The following KLHL29 variants were observed in gnomAD, a reference collection of about 807,000 sequenced individuals.
KLHL29 encodes the protein kelch-like protein 29.
In KLHL29, 21 loss-of-function variants were observed where a neutral mutation model predicts 80.4. That is an observed-to-expected ratio of 0.26 (90% CI 0.19 to 0.38). The LOEUF is 0.38. KLHL29 is among the 10% of genes least tolerant of loss of function. KLHL29 has a pLI of 1.00. For synonymous variants in KLHL29, 511 were observed against 526.8 expected (o/e 0.97, Z 0.41); for missense variants, 867 against 1,223.9 (o/e 0.71, Z 4.35).
rs996979176 is a variant in KLHL29 at position 23,457,236 on chromosome 2, A to G, written c.-153-18324A>G. ...CATGCACAGTGACTGGTGTAGGATG[A>G]TGTTTGACCAATGCTGAACTCATAT... On this transcript the variant is annotated intron_variant, in intron 1 of 13. Transcript: ENST00000486442. This position sits in a 1 kb window ranked among gnomAD's most constrained non-coding sequence, Gnocchi z 4.3. 6.6e-6 allele frequency among the ~76,000 whole-genome samples: 1 copy of G among 152,196 alleles called. No individual in the cohort carries two copies. Among genetic ancestry groups the G allele is most frequent in the African/African-American group, 2.4e-5 (1 of 41,456 alleles).
In KLHL29 at chr2:23,541,765, C is replaced by CAAAAAAAA. The variant is rs149080311; in HGVS notation, c.-45-20381_-45-20380insAAAAAAAA. 1.5e-3 allele frequency among the ~76,000 whole-genome samples: 209 copies of CAAAAAAAA among 139,822 alleles called. 4 individuals carry two copies. Among genetic ancestry groups the CAAAAAAAA allele is most frequent in the African/African-American group, 5.6e-3 (193 of 34,170 alleles). The allele number at this position is 139,822 out of a possible 152,430, so 91.7% of individuals were successfully genotyped here. On this transcript the variant is annotated intron_variant, in intron 2 of 13. Transcript: ENST00000486442. ...AAAGAGCTTTTAAAAAAGCCCAACC[C>CAAAAAAAA]AAAAAACAAAAAAAAAAAAACCATA...
chr2:23,666,481 C>T (rs903599617), intron 5 of KLHL29, among the ~76,000 whole-genome samples: 1 of 152,102 alleles, frequency 6.6e-6, no homozygotes, highest in Admixed American at 6.5e-5. Context: ...TTCTCGGGGA[C>T]CAAGGCCAAA....
At chr2:23,466,492 AAAG>A (rs1301492388) in intron 1 of KLHL29, among the ~76,000 whole-genome samples, 2 of 152,240 alleles carry the variant, frequency 1.3e-5, no homozygotes, top group African/African-American at 4.8e-5. Context: ...CCCACATATA[AAAG>A]AAGAAGCAGA....
At position 23,669,074 on chromosome 2, in the gene KLHL29, T is replaced by G. The variant is rs1670636148; in HGVS notation, c.941-15325T>G. 6.6e-6 allele frequency: 1 copy of G among 151,948 alleles called. No homozygotes were observed. The highest frequency in any genetic ancestry group is 6.6e-5 in the Admixed American group (1 of 15,260). The allele number at this position is 151,948 out of a possible 1,614,324, so 9.4% of individuals were successfully genotyped here. Reference sequence around the variant, plus strand: ...TGGAGTCTAGGAGGACCTGGTCCTGTGTGACCACAGGGGACCGCAGACTCA... The same window carrying G: ...TGGAGTCTAGGAGGACCTGGTCCTGGGTGACCACAGGGGACCGCAGACTCA... On this transcript the variant is annotated intron_variant, in intron 5 of 13. Coordinates refer to ENST00000486442, the MANE Select transcript of KLHL29 (RefSeq NM_052920.2). The surrounding 1 kb of genome is among the most constrained non-coding windows in gnomAD (Gnocchi z 4.3).
intron 1 of KLHL29, among the ~76,000 whole-genome samples, chr2:23,451,216 A>G (rs1363652487): frequency 6.6e-6 from 1 of 152,128 alleles, no homozygotes; most frequent in Non-Finnish European, 1.5e-5. Flanking sequence ...CTGTCTCCTC[A>G]TCTTAATACA....
intron 1 of KLHL29, among the ~76,000 whole-genome samples, chr2:23,415,253 G>A (rs978275522): frequency 1.3e-5 from 2 of 152,160 alleles, no homozygotes; most frequent in African/African-American, 4.8e-5. Flanking sequence ...AATGCAAGAC[G>A]GGCTTAGCTT....
intron 2 of KLHL29, among the ~76,000 whole-genome samples, chr2:23,555,815 C>G (rs1667273881): frequency 6.6e-6 from 1 of 152,212 alleles, no homozygotes; most frequent in South Asian, 2.1e-4. Flanking sequence ...TGGCCTCTGC[C>G]CCACCTCCTC....
chr2:23,604,953 A>G (rs1668667325), intron 3 of KLHL29, among the ~76,000 whole-genome samples: 1 of 152,108 alleles, frequency 6.6e-6, no homozygotes, highest in Non-Finnish European at 1.5e-5. Context: ...CTGATGGGGA[A>G]ATAGGAAGGG....
At chr2:23,651,620 T>C (rs917112630) in intron 5 of KLHL29, among the ~76,000 whole-genome samples, 9 of 152,186 alleles carry the variant, frequency 5.9e-5, no homozygotes, top group African/African-American at 2.2e-4. Flanking sequence ...GTCACCTCCT[T>C]GGTCTTGAGC....
chr2:23,520,309 C>T (rs1486365159), intron 2 of KLHL29, among the ~76,000 whole-genome samples: 1 of 152,154 alleles, frequency 6.6e-6, no homozygotes, highest in East Asian at 1.9e-4. Flanking sequence ...GGCTCAGATA[C>T]CTAAGCCTTC....
intron 3 of KLHL29, among the ~76,000 whole-genome samples, chr2:23,638,489 G>C (rs1669678415): frequency 6.6e-6 from 1 of 152,130 alleles, no homozygotes; most frequent in African/African-American, 2.4e-5. Context: ...CCTGCACAGA[G>C]GAGCTGAGGG....
At chr2:23,477,854 G>C (rs913050618) in intron 2 of KLHL29, among the ~76,000 whole-genome samples, 5 of 152,200 alleles carry the variant, frequency 3.3e-5, no homozygotes, top group Admixed American at 6.5e-5. Context: ...CAAGAGTGAA[G>C]GGAACAGAGA....
chr2:23,690,813 G>T (rs865963671), intron 6 of KLHL29: 3 of 152,402 alleles, frequency 2.0e-5, no homozygotes, highest in African/African-American at 7.2e-5. Context: ...AGGAGCCTTT[G>T]CAATGGTTTT....
rs1328272779 is a variant in KLHL29 at position 23,529,519 on chromosome 2, A to C, written c.-45-32633A>C. Among the ~76,000 whole-genome samples the C allele has an allele frequency of 2.0e-5, 3 of 152,190 alleles. No individual in the cohort carries two copies. The East Asian group carries it at 5.8e-4, about 29-fold the overall frequency. ...TGTGTTCAGTCTCATGAGAGAGAGCAGGGGTCATGGTTTTTCTTATTTTGC... is the reference window on the plus strand; with the variant it reads ...TGTGTTCAGTCTCATGAGAGAGAGCCGGGGTCATGGTTTTTCTTATTTTGC... On this transcript the variant is annotated intron_variant, in intron 2 of 13. Transcript: ENST00000486442.
chr2:23,460,718 G>T (rs1004743573), intron 1 of KLHL29, among the ~76,000 whole-genome samples: 1 of 151,862 alleles, frequency 6.6e-6, no homozygotes, highest in Non-Finnish European at 1.5e-5. Flanking sequence ...GGAGCTTCCC[G>T]TGAAGGGAGC....
intron 3 of KLHL29, among the ~76,000 whole-genome samples, chr2:23,606,375 C>T (rs577997042): frequency 3.9e-5 from 6 of 152,216 alleles, no homozygotes; most frequent in African/African-American, 9.6e-5. Flanking sequence ...CTTTGTTTCA[C>T]GTCCCTTGTG....
At chr2:23,401,417 G>A (rs554725767) in intron 1 of KLHL29, among the ~76,000 whole-genome samples, 1 of 152,218 alleles carries the variant, frequency 6.6e-6, no homozygotes, top group Non-Finnish European at 1.5e-5. Flanking sequence ...AAGCTTGCAA[G>A]GCCCAGCTTG....
At chr2:23,386,644 C>T (rs1666189874) in intron 1 of KLHL29, among the ~76,000 whole-genome samples, 1 of 152,136 alleles carries the variant, frequency 6.6e-6, no homozygotes, top group South Asian at 2.1e-4. Flanking sequence ...GAGCCCAGGG[C>T]TCGCGTCCCG....
intron 1 of KLHL29, among the ~76,000 whole-genome samples, chr2:23,403,735 G>GTT (rs1666652195): frequency 6.6e-6 from 1 of 150,540 alleles, no homozygotes; most frequent in Non-Finnish European, 1.5e-5. Flanking sequence ...GAGTGTGTGT[G>GTT]TGTGTGTGTG....
Sources: allele counts gnomAD v4.1 joint callset (sites outside exome capture counted in the v4.1 genomes callset), GRCh38; gene constraint gnomAD v4.1.1; non-coding constraint Gnocchi (gnomAD v3.1); transcripts MANE v1.5; gene names NCBI Gene and HGNC (gene_info 2026-07-23, HGNC 2026-07-21).